The following PCDH11X variants were observed in gnomAD, a reference collection of about 807,000 sequenced individuals.
The protein encoded by PCDH11X is protocadherin 11 X-linked.
PCDH11X carries 18 observed loss-of-function variants against 53.3 expected under a neutral mutation model. That is an observed-to-expected ratio of 0.34 (90% CI 0.23 to 0.50). PCDH11X has a LOEUF of 0.50. PCDH11X is among the 20% of genes least tolerant of loss of function. The probability of loss-of-function intolerance (pLI) is 0.98; values close to 1 mark genes in which losing one functional copy is unlikely to be tolerated. For missense variants in PCDH11X, 570 were observed against 1,032.4 expected (o/e 0.55, Z 6.14); for synonymous variants, 279 against 393.3 (o/e 0.71, Z 3.44).
At chrX:92,025,199 A>G (rs2062951851) in intron 6 of PCDH11X, among the ~76,000 whole-genome samples, 1 of 109,811 alleles carries the variant, frequency 9.1e-6, no homozygotes, top group Admixed American at 9.8e-5. Context: ...AACCCATTGA[A>G]TGGGAGAAAA....
At chrX:92,169,013 A>C (rs2065779689) in intron 6 of PCDH11X, among the ~76,000 whole-genome samples, 1 of 111,666 alleles carries the variant, frequency 9.0e-6, no homozygotes, top group Non-Finnish European at 1.9e-5. Context: ...TTTACTAATG[A>C]AAATCCAGAA....
chrX:92,380,555 A>G lies in PCDH11X; in HGVS notation c.3145-7180A>G, dbSNP rs777954811. On this transcript the variant is annotated intron_variant, in intron 8 of 10. Transcript: ENST00000682573. ...TAGCTGATGTTTTGAAAACCACTTGATAGCTACTGGTTGCTGTAGCTAGCT... is the reference window on the plus strand; with the variant it reads ...TAGCTGATGTTTTGAAAACCACTTGGTAGCTACTGGTTGCTGTAGCTAGCT... Among the ~76,000 whole-genome samples, 4 of 112,229 alleles carry G rather than the reference A, an allele frequency of 3.6e-5. No individual in the cohort carries two copies. In the East Asian group the frequency reaches 1.1e-3, roughly 32 times the overall value.
chrX:92,055,965 T>A (rs927013681), intron 6 of PCDH11X, among the ~76,000 whole-genome samples: 5 of 110,130 alleles, frequency 4.5e-5, no homozygotes, highest in Non-Finnish European at 7.6e-5. Flanking sequence ...GGCATTTAGG[T>A]TGATTTCATG....
rs139645372 is a variant in PCDH11X, at chrX:92,096,003, A to G, written c.3034-105372A>G. 2.6e-3 allele frequency among the ~76,000 whole-genome samples: 295 copies of G among 112,188 alleles called. 3 individuals are homozygous for G. Among genetic ancestry groups the G allele is most frequent in the African/African-American group, 9.1e-3 (283 of 30,985 alleles). On this transcript the variant is annotated intron_variant, in intron 6 of 10. Transcript: ENST00000682573. ...AAGTTAAGGTGTTCAACATCTTTAG[A>G]CAAGTTCTTGAATATACTATCACAA...
At chrX:92,147,901 TC>T (rs2065316303) in intron 6 of PCDH11X, among the ~76,000 whole-genome samples, 1 of 99,550 alleles carries the variant, frequency 1.0e-5, no homozygotes, top group African/African-American at 3.7e-5. Context: ...TCTTTCCTTT[TC>T]TTTCTCTCTC....
intron 6 of PCDH11X, among the ~76,000 whole-genome samples, chrX:92,087,248 C>T (rs893271353): frequency 1.1e-4 from 12 of 108,747 alleles, no homozygotes; most frequent in African/African-American, 3.4e-4. Context: ...GCAGGCACCA[C>T]CACGCCTGGC....
At chrX:91,853,307 A>G (rs1002884354) in intron 5 of PCDH11X, among the ~76,000 whole-genome samples, 1 of 110,864 alleles carries the variant, frequency 9.0e-6, no homozygotes, top group African/African-American at 3.3e-5. Flanking sequence ...TGTTTTATAT[A>G]TACAGAAAAC....
intron 9 of PCDH11X, among the ~76,000 whole-genome samples, chrX:92,393,479 C>T (rs1253095780): frequency 1.1e-4 from 12 of 110,138 alleles, no homozygotes; most frequent in African/African-American, 3.9e-4. Flanking sequence ...ACTCCATGGC[C>T]CCGGGTTCTG....
At chrX:92,536,911 T>C (rs1185689519) in intron 10 of PCDH11X, among the ~76,000 whole-genome samples, 1 of 111,075 alleles carries the variant, frequency 9.0e-6, no homozygotes, top group Non-Finnish European at 1.9e-5. Flanking sequence ...TAATAACTCA[T>C]TGTAGTTTTG....
rs35000823 is a variant in PCDH11X at position 92,278,806 on chromosome X, G to GTTTTTTTTTTTTTTTTTTTT, written c.3144+15666_3144+15685dup. ...TCAGAGGCCTGACAGTCTCTTTTCA[G>GTTTTTTTTTTTTTTTTTTTT]TTTTTTTTTTTTTTTTTTTTTTGAG... On this transcript the variant is annotated intron_variant, in intron 8 of 10. Transcript: ENST00000682573. Among the ~76,000 whole-genome samples, 15 of 47,378 alleles carry GTTTTTTTTTTTTTTTTTTTT rather than the reference G, an allele frequency of 3.2e-4. 2 individuals carry two copies. The highest frequency in any genetic ancestry group is 3.1e-3 in the East Asian group (5 of 1,604). 41.1% of individuals were successfully genotyped at this position (47,378 alleles called of 115,157 possible). A position where few individuals can be genotyped will look rare whatever the true frequency, so the allele number is the denominator to read the frequency against.
At chrX:92,180,976 A>T (rs4893169) in intron 6 of PCDH11X, among the ~76,000 whole-genome samples, 47 of 109,421 alleles carry the variant, frequency 4.3e-4, no homozygotes, top group African/African-American at 1.4e-3. Context: ...AAAAGATACC[A>T]AAAAATGTGA....
intron 9 of PCDH11X, among the ~76,000 whole-genome samples, chrX:92,404,508 A>T (rs2071465264): frequency 9.0e-6 from 1 of 111,333 alleles, no homozygotes; most frequent in Non-Finnish European, 1.9e-5. Context: ...TTTCACTCTT[A>T]TCTCCTCTGA....
chrX:91,997,443 T>C (rs2062438999), intron 6 of PCDH11X, among the ~76,000 whole-genome samples: 1 of 111,657 alleles, frequency 9.0e-6, no homozygotes, highest in South Asian at 3.7e-4. Flanking sequence ...ATGTTGAATT[T>C]TATCAAATTT....
chrX:92,206,401 G>A (rs892671955), intron 7 of PCDH11X, among the ~76,000 whole-genome samples: 2 of 111,567 alleles, frequency 1.8e-5, no homozygotes, highest in Admixed American at 9.6e-5. Context: ...GCAATTTAGA[G>A]GTTAAATTAT....
At position 92,271,873 on chromosome X, in the gene PCDH11X, T is replaced by C. The variant is rs925319195; in HGVS notation, c.3144+8730T>C. Among the ~76,000 whole-genome samples the C allele has an allele frequency of 8.9e-5, 10 of 112,270 alleles. No homozygotes were observed. The Admixed American group carries it at 9.5e-4, about 11-fold the overall frequency. On this transcript the variant is annotated intron_variant, in intron 8 of 10. Coordinates refer to ENST00000682573, the MANE Select transcript of PCDH11X (RefSeq NM_032968.5). ...AAGCATGAAGAACTCTTTATTATCCTAAAGACAATTTATTTCATATATGTC... is the reference window on the plus strand; with the variant it reads ...AAGCATGAAGAACTCTTTATTATCCCAAAGACAATTTATTTCATATATGTC...
intron 7 of PCDH11X, among the ~76,000 whole-genome samples, chrX:92,255,114 A>G (rs1323650643): frequency 1.9e-5 from 2 of 104,966 alleles, no homozygotes; most frequent in Non-Finnish European, 3.9e-5. Flanking sequence ...ACATAGTCCC[A>G]TATTTCTTGG....
chrX:92,205,585 T>C (rs187340262), intron 7 of PCDH11X, among the ~76,000 whole-genome samples: 210 of 100,276 alleles, frequency 2.1e-3, no homozygotes, highest in African/African-American at 7.5e-3. Flanking sequence ...AATAAGAAGA[T>C]GCTAAATCAA....
At chrX:91,987,661 A>G (rs2147937842) in intron 6 of PCDH11X, among the ~76,000 whole-genome samples, 1 of 111,566 alleles carries the variant, frequency 9.0e-6, no homozygotes, top group South Asian at 3.8e-4. Context: ...AATAAATGTT[A>G]GGAATTTTAT....
intron 6 of PCDH11X, among the ~76,000 whole-genome samples, chrX:92,043,114 T>G (rs1418395033): frequency 9.3e-6 from 1 of 107,808 alleles, no homozygotes; most frequent in Non-Finnish European, 1.9e-5. Flanking sequence ...TATTTATGTG[T>G]TTTAAAAGTG....
Sources: allele counts gnomAD v4.1 joint callset (sites outside exome capture counted in the v4.1 genomes callset), GRCh38; gene constraint gnomAD v4.1.1; transcripts MANE v1.5; gene names NCBI Gene and HGNC (gene_info 2026-07-23, HGNC 2026-07-21).